The following SRSF12 variants were observed in gnomAD, a reference collection of about 807,000 sequenced individuals.
SRSF12 encodes the protein serine and arginine rich splicing factor 12, also known as serine/arginine-rich splicing factor 12.
Under a neutral mutation model 34.1 loss-of-function variants are expected in SRSF12, and 21 were observed. That is an observed-to-expected ratio of 0.62 (90% CI 0.44 to 0.89). The LOEUF is 0.89. Among genes scored for constraint, SRSF12 ranks in the 40% least tolerant of loss-of-function variants. The pLI is 0.00. For synonymous variants in SRSF12, 111 were observed against 110.8 expected (o/e 1.00, Z -0.01); for missense variants, 278 against 327.8 (o/e 0.85, Z 1.17).
rs184444424 is a variant in SRSF12, at chr6:89,112,613, T to C, written c.65+5210A>G. On this transcript the variant is annotated intron_variant, in intron 1 of 4. Coordinates refer to ENST00000452027, the MANE Select transcript of SRSF12 (RefSeq NM_080743.5). Reference sequence around the variant, plus strand: ...TTTTGGTAGAGATGAGGCCTTGCTATGTTGCCCAGGCTGGCCTTGAACTCC... The same window carrying C: ...TTTTGGTAGAGATGAGGCCTTGCTACGTTGCCCAGGCTGGCCTTGAACTCC... Among the ~76,000 whole-genome samples the C allele has an allele frequency of 3.4e-4, 51 of 152,014 alleles. No homozygotes were observed. The South Asian group carries it at 4.2e-3, about 12-fold the overall frequency.
At chr6:89,099,434 A>ATACACACATATATATATGTGTG (rs1768417145) in intron 4 of SRSF12, among the ~76,000 whole-genome samples, 5 of 133,870 alleles carry the variant, frequency 3.7e-5, no homozygotes, top group African/African-American at 1.1e-4. Context: ...ATGTGTGTAT[A>ATACACACATATATATATGTGTG]TATATACACA....
chr6:89,106,274 G>A (rs1235692035), intron 2 of SRSF12, among the ~76,000 whole-genome samples: 5 of 85,514 alleles, frequency 5.8e-5, no homozygotes, highest in African/African-American at 9.8e-5. Flanking sequence ...CACCACACCC[G>A]GCTAATTTTT....
Position 89,097,428 on chromosome 6 carries a change from T to C in SRSF12, c.*1150A>G, listed in dbSNP as rs1369402365. The C allele has an allele frequency of 6.6e-6, 1 of 152,218 alleles. No homozygotes were observed. 9.4% of individuals were successfully genotyped at this position (152,218 alleles called of 1,614,324 possible). A position where few individuals can be genotyped will look rare whatever the true frequency, so the allele number is the denominator to read the frequency against. ...CAAAAGCAATAAATATCAATAAAGT[T>C]ATTTGGCTGTCAGAAATGAAGGGCA... On this transcript the variant is annotated 3_prime_UTR_variant, in exon 5 of 5. Transcript: ENST00000452027.
intron 1 of SRSF12, among the ~76,000 whole-genome samples, chr6:89,107,952 A>T (rs1033692658): frequency 6.6e-6 from 1 of 152,204 alleles, no homozygotes; most frequent in Admixed American, 6.5e-5. Context: ...CTAAGAACAC[A>T]TTCATTTTGC....
Position 89,098,414 on chromosome 6 carries a change from A to C in SRSF12, c.*164T>G. 1.1e-6 allele frequency: 1 copy of C among 875,490 alleles called. No individual in the cohort carries two copies. Among genetic ancestry groups the C allele is most frequent in the Non-Finnish European group, 1.6e-6 (1 of 625,072 alleles). The allele number at this position is 875,490 out of a possible 1,614,324, so 54.2% of individuals were successfully genotyped here. ...TGTAGTGTGGGCCCTTTAAATGGAG[A>C]CCAAATTTTTATTAATCCAAAGCTA... On this transcript the variant is annotated 3_prime_UTR_variant, in exon 5 of 5. Coordinates refer to ENST00000452027, the MANE Select transcript of SRSF12 (RefSeq NM_080743.5).
intron 4 of SRSF12, among the ~76,000 whole-genome samples, chr6:89,101,707 TA>T (rs1201818305): frequency 1.4e-5 from 2 of 146,814 alleles, no homozygotes; most frequent in African/African-American, 5.0e-5. Flanking sequence ...CAAAAAAAAA[TA>T]AAAATAAAAA....
chr6:89,100,626 T>C (rs79276239), intron 4 of SRSF12, among the ~76,000 whole-genome samples: 9,574 of 151,590 alleles, frequency 0.063, 874 homozygotes, highest in African/African-American at 0.2. Context: ...AACAGGAATT[T>C]AAAAAATTAC....
intron 4 of SRSF12, among the ~76,000 whole-genome samples, chr6:89,100,288 AAGGTCAATG>A (rs1477218343): frequency 6.6e-6 from 1 of 152,216 alleles, no homozygotes; most frequent in Non-Finnish European, 1.5e-5. Context: ...AAACTCCCAA[AAGGTCAATG>A]AGGAACATTA....
In SRSF12 at chr6:89,117,951, C is replaced by T; in HGVS notation, c.-64G>A. ...GCTGGACTCGCTCCGTCTCCCGCTA[C>T]CGCTGCTACCACCACAGGAGCTCCG... On this transcript the variant is annotated 5_prime_UTR_variant, in exon 1 of 5. Coordinates refer to ENST00000452027, the MANE Select transcript of SRSF12 (RefSeq NM_080743.5). The T allele has an allele frequency of 1.3e-6, 2 of 1,492,144 alleles. No individual in the cohort carries two copies. Among genetic ancestry groups the T allele is most frequent in the Non-Finnish European group, 1.8e-6 (2 of 1,112,388 alleles). The allele number at this position is 1,492,144 out of a possible 1,614,324, so 92.4% of individuals were successfully genotyped here.
At chr6:89,116,327 T>G (rs749289285) in intron 1 of SRSF12, among the ~76,000 whole-genome samples, 1 of 152,244 alleles carries the variant, frequency 6.6e-6, no homozygotes, top group Non-Finnish European at 1.5e-5. Context: ...GGTTTTTTAA[T>G]TCTGCCCAAA....
chr6:89,108,380 G>C (rs535978465), intron 1 of SRSF12, among the ~76,000 whole-genome samples: 23 of 152,312 alleles, frequency 1.5e-4, no homozygotes, highest in African/African-American at 5.3e-4. Context: ...CAGAATTTCA[G>C]GTTATTTACA....
chr6:89,099,534 A>G (rs548195806), intron 4 of SRSF12, among the ~76,000 whole-genome samples: 1 of 109,800 alleles, frequency 9.1e-6, no homozygotes, highest in Admixed American at 1.1e-4. Context: ...ACACACACAT[A>G]CATGTTTTTT....
intron 1 of SRSF12, among the ~76,000 whole-genome samples, chr6:89,114,203 G>A (rs934738991): frequency 1.2e-4 from 18 of 152,144 alleles, no homozygotes; most frequent in African/African-American, 2.9e-4. Flanking sequence ...CAAGGTGGGC[G>A]GATTACCTGA....
intron 1 of SRSF12, among the ~76,000 whole-genome samples, chr6:89,114,288 C>T (rs1769189571): frequency 6.6e-6 from 1 of 152,236 alleles, no homozygotes; most frequent in African/African-American, 2.4e-5. Context: ...ATTAGCCAGG[C>T]ATGGTGGCAC....
intron 1 of SRSF12, among the ~76,000 whole-genome samples, chr6:89,109,554 G>A (rs906850666): frequency 6.6e-6 from 1 of 152,168 alleles, no homozygotes; most frequent in Non-Finnish European, 1.5e-5. Flanking sequence ...TGGCTAAGAG[G>A]AAAGGGATCA....
Position 89,105,214 on chromosome 6 carries a change from A to T in SRSF12, c.321T>A (p.Ser107Arg). 1 of 1,611,938 alleles carries T rather than the reference A, an allele frequency of 6.2e-7. No individual in the cohort carries two copies. Among genetic ancestry groups the T allele is most frequent in the Non-Finnish European group, 8.5e-7 (1 of 1,178,662 alleles). The change falls in exon 4 of 5, where the codon AGT (serine) becomes AGA (arginine). Residue 107 changes from serine (S) to arginine (R), a missense_variant. By Grantham distance (110) the Ser-to-Arg change is moderately radical (BLOSUM62 -1). Transcript: ENST00000452027. ...KSKERHPCSPSDHRRSRSPSQ... is the reference protein window; with the variant it reads ...KSKERHPCSPRDHRRSRSPSQ... ...TGGGGCTTCTTGATCTCCTGTGATC[A>T]CTTGGAGAACAAGGATGACGTTCTT... is the stretch of plus-strand genomic sequence containing the variant.
chr6:89,104,868 CA>C (rs1225967912), intron 4 of SRSF12, among the ~76,000 whole-genome samples: 3 of 152,010 alleles, frequency 2.0e-5, no homozygotes, highest in Admixed American at 6.6e-5. Context: ...GCCTGGGCAA[CA>C]TAGCGAGACC....
chr6:89,108,217 C>G (rs1768883476), intron 1 of SRSF12, among the ~76,000 whole-genome samples: 1 of 152,176 alleles, frequency 6.6e-6, no homozygotes, highest in Non-Finnish European at 1.5e-5. Context: ...CATGGAGCTA[C>G]AATTTAACTG....
intron 4 of SRSF12, among the ~76,000 whole-genome samples, chr6:89,103,567 G>A (rs1206481683): frequency 6.6e-6 from 1 of 151,992 alleles, no homozygotes; most frequent in Admixed American, 6.6e-5. Flanking sequence ...GACCTCAGGT[G>A]ATCCGCCCCC....
Sources: allele counts gnomAD v4.1 joint callset (sites outside exome capture counted in the v4.1 genomes callset), GRCh38; gene constraint gnomAD v4.1.1; transcripts MANE v1.5; gene names NCBI Gene and HGNC (gene_info 2026-07-23, HGNC 2026-07-21).